PHTF2: variants seen among roughly 807,000 people sequenced by gnomAD.
PHTF2 encodes the protein protein PHTF2.
PHTF2 carries 60 observed loss-of-function variants against 101.2 expected under a neutral mutation model. That is an observed-to-expected ratio of 0.59 (90% CI 0.48 to 0.73). The LOEUF is 0.73. Ranked by LOEUF, PHTF2 falls within the 30% of genes least tolerant of loss-of-function variation. PHTF2 has a pLI of 0.00. For missense variants in PHTF2, 747 were observed against 908.7 expected (o/e 0.82, Z 2.29); for synonymous variants, 311 against 307.3 (o/e 1.01, Z -0.13).
exon 2 of PHTF2, chr7:77,840,292 C>A: frequency 6.2e-7 from 1 of 1,603,616 alleles, no homozygotes; most frequent in Non-Finnish European, 8.5e-7. Context: ...AGTCTGGTAT[C>A]AAAAGAAGGT....
Position 77,890,856 on chromosome 7 carries a change from C to T in PHTF2, c.148-2752C>T, listed in dbSNP as rs1382219204. On this transcript the variant is annotated intron_variant, in intron 3 of 19. Coordinates refer to ENST00000416283, the Ensembl canonical transcript of PHTF2. Reference sequence around the variant, plus strand: ...TCCTGACCTTGTGATCTGCCTGCCTCGGCCTCCCAAAGTGCTGGGATTACA... The same window carrying T: ...TCCTGACCTTGTGATCTGCCTGCCTTGGCCTCCCAAAGTGCTGGGATTACA... 2.1e-4 allele frequency among the ~76,000 whole-genome samples: 31 copies of T among 149,554 alleles called. 1 individual carries two copies. The highest frequency in any genetic ancestry group is 1.9e-3 in the Admixed American group (28 of 15,010).
At chr7:77,906,197 A>C (rs1801842283) in intron 7 of PHTF2, 1 of 152,308 alleles carries the variant, frequency 6.6e-6, no homozygotes, top group African/African-American at 2.4e-5. Flanking sequence ...CATATTGGCC[A>C]GGCTGGTCTC....
chr7:77,862,308 AT>A (rs755584492), intron 3 of PHTF2, among the ~76,000 whole-genome samples: 8 of 152,086 alleles, frequency 5.3e-5, no homozygotes, highest in Non-Finnish European at 7.4e-5. Flanking sequence ...TTTATTTTAT[AT>A]TTGTTCTCTT....
At chr7:77,930,693 T>G (rs1804486430) in intron 12 of PHTF2, among the ~76,000 whole-genome samples, 2 of 152,152 alleles carry the variant, frequency 1.3e-5, no homozygotes, top group African/African-American at 4.8e-5. Flanking sequence ...AAGTCCAAGA[T>G]CAGGGTGCCA....
At chr7:77,940,990 G>T (rs539554489) in intron 15 of PHTF2, among the ~76,000 whole-genome samples, 2 of 152,198 alleles carry the variant, frequency 1.3e-5, no homozygotes, top group East Asian at 3.9e-4. Flanking sequence ...AATTATGGAA[G>T]TATGATATAA....
At chr7:77,879,076 T>C (rs538828275) in intron 3 of PHTF2, among the ~76,000 whole-genome samples, 1 of 152,352 alleles carries the variant, frequency 6.6e-6, no homozygotes, top group South Asian at 2.1e-4. Context: ...TTATTTCTTA[T>C]GCAACCATAT....
intron 17 of PHTF2, among the ~76,000 whole-genome samples, chr7:77,951,255 A>G (rs1806515067): frequency 2.0e-5 from 3 of 152,234 alleles, no homozygotes; most frequent in African/African-American, 7.2e-5. Context: ...CCTGGGCAAC[A>G]TAGCAAGACC....
chr7:77,893,748 A>G, intron 4 of PHTF2, 84 bp downstream of exon 3: 1 of 655,294 alleles, frequency 1.5e-6, no homozygotes, highest in Middle Eastern at 4.0e-4. Context: ...TTTTTAATAT[A>G]CTTTTAAGAT....
intron 7 of PHTF2, 106 bp downstream of exon 6, chr7:77,902,026 A>G (rs1427884722): frequency 2.1e-6 from 1 of 486,870 alleles, no homozygotes; most frequent in Non-Finnish European, 3.4e-6. Flanking sequence ...ATGATGTATA[A>G]GTATGTTAAT....
chr7:77,924,302 T>A (rs1238185931), intron 11 of PHTF2: 1 of 222,808 alleles, frequency 4.5e-6, no homozygotes, highest in Admixed American at 6.5e-5. Context: ...AAAAAATCAT[T>A]TGGACCCACT....
intron 7 of PHTF2, chr7:77,906,393 A>T (rs983857848): frequency 3.3e-5 from 5 of 152,218 alleles, no homozygotes; most frequent in African/African-American, 1.2e-4. Flanking sequence ...CATGGGAGGG[A>T]CATGATCACT....
intron 1 of PHTF2, among the ~76,000 whole-genome samples, chr7:77,820,167 G>A (rs1794167326): frequency 6.6e-6 from 1 of 152,170 alleles, no homozygotes; most frequent in Non-Finnish European, 1.5e-5. Flanking sequence ...GGGATTACAG[G>A]CGTGAGCCAC....
chr7:77,887,151 A>G (rs774682113), intron 3 of PHTF2, among the ~76,000 whole-genome samples: 1 of 151,712 alleles, frequency 6.6e-6, no homozygotes, highest in Non-Finnish European at 1.5e-5. Flanking sequence ...AATGATTTTC[A>G]TGTATCCTTC....
intron 8 of PHTF2, 167 bp from the exon 8 acceptor site, chr7:77,910,078 A>G (rs967717379): frequency 1.8e-6 from 1 of 555,416 alleles, no homozygotes; most frequent in Non-Finnish European, 3.2e-6. Flanking sequence ...TTGGTCTTGA[A>G]TATGCATCAT....
chr7:77,895,555 G>C (rs1434705013), intron 5 of PHTF2, among the ~76,000 whole-genome samples: 1 of 152,046 alleles, frequency 6.6e-6, no homozygotes, highest in Non-Finnish European at 1.5e-5. Context: ...TATGTTATCA[G>C]GTTGACACAT....
At chr7:77,863,052 G>GC (rs1326916587) in intron 3 of PHTF2, among the ~76,000 whole-genome samples, 1 of 152,196 alleles carries the variant, frequency 6.6e-6, no homozygotes, top group Non-Finnish European at 1.5e-5. Flanking sequence ...AGAATAAAAT[G>GC]CTGAAGATAT....
At chr7:77,815,182 CTTATT>C (rs926620844) in intron 1 of PHTF2, among the ~76,000 whole-genome samples, 5 of 152,134 alleles carry the variant, frequency 3.3e-5, no homozygotes, top group African/African-American at 1.2e-4. Flanking sequence ...TAATAGCTGT[CTTATT>C]TAAGAAGATA....
At chr7:77,815,339 A>G (rs925523240) in intron 1 of PHTF2, among the ~76,000 whole-genome samples, 17 of 152,162 alleles carry the variant, frequency 1.1e-4, no homozygotes, top group African/African-American at 4.1e-4. Flanking sequence ...TACGAAATCT[A>G]TGAAAGTGGC....
chr7:77,954,627 T>TATA, intron 19 of PHTF2, among the ~76,000 whole-genome samples: 1 of 139,090 alleles, frequency 7.2e-6, no homozygotes, highest in Non-Finnish European at 1.5e-5. Flanking sequence ...TATATATATA[T>TATA]ATATATATAT....
Sources: gnomAD v4.1 joint callset for allele counts (sites outside exome capture counted in the v4.1 genomes callset) on GRCh38, gnomAD v4.1.1 for gene constraint, MANE v1.5 for transcripts, NCBI Gene and HGNC (gene_info 2026-07-23, HGNC 2026-07-21) for gene names.